SORL1: variants seen among roughly 807,000 people sequenced by gnomAD.
The protein encoded by SORL1 is sortilin-related receptor.
SORL1 carries 127 observed loss-of-function variants against 273.7 expected under a neutral mutation model. The ratio of observed to expected loss-of-function variants is 0.46; its 90% confidence interval spans 0.40 to 0.54. SORL1 has a LOEUF of 0.54. Among genes scored for constraint, SORL1 ranks in the 20% least tolerant of loss-of-function variants. The probability of loss-of-function intolerance (pLI) is 0.00; values close to 1 mark genes in which losing one functional copy is unlikely to be tolerated. For missense variants in SORL1, 2,494 were observed against 2,846.1 expected, an observed-to-expected ratio of 0.88 and a Z score of 2.81; for synonymous variants, 1,031 against 1,067.4, an observed-to-expected ratio of 0.97 and a Z score of 0.66.
intron 12 of SORL1, among the ~76,000 whole-genome samples, chr11:121,542,969 A>C (rs1406486116): frequency 6.6e-6 from 1 of 151,234 alleles, no homozygotes; most frequent in East Asian, 1.9e-4. Flanking sequence ...CGAGGTCAGG[A>C]GGTCGAGATC....
At chr11:121,575,183 T>C (rs942315730) in intron 24 of SORL1, among the ~76,000 whole-genome samples, 1 of 152,204 alleles carries the variant, frequency 6.6e-6, no homozygotes, top group African/African-American at 2.4e-5. Flanking sequence ...GGTGACACAA[T>C]TAGTTTGTGT....
intron 32 of SORL1, among the ~76,000 whole-genome samples, chr11:121,597,569 C>T (rs1478419461): frequency 2.0e-5 from 3 of 151,792 alleles, no homozygotes; most frequent in African/African-American, 7.3e-5. Flanking sequence ...TCAAGTGATT[C>T]TCTTGCCTCA....
chr11:121,528,137 G>A (rs1424372622), intron 11 of SORL1, among the ~76,000 whole-genome samples: 3 of 152,040 alleles, frequency 2.0e-5, no homozygotes, highest in Non-Finnish European at 4.4e-5. Flanking sequence ...TGTTTTTAGT[G>A]TTTTTAAGTT....
intron 2 of SORL1, among the ~76,000 whole-genome samples, chr11:121,473,125 AATG>A (rs1468285417): frequency 1.3e-5 from 2 of 152,218 alleles, no homozygotes; most frequent in Non-Finnish European, 2.9e-5. Flanking sequence ...TGTGAAAAGA[AATG>A]ATGACTCAGA....
In SORL1 at chr11:121,566,937, C is replaced by T; in HGVS notation, c.3050-3C>T. 2 of 1,612,342 alleles carry T rather than the reference C, an allele frequency of 1.2e-6. No individual in the cohort carries two copies. The highest frequency in any genetic ancestry group is 4.5e-5 in the East Asian group (2 of 44,802). ...TACCTGCTGCTGTTTGTCTTCCCTC[C>T]AGGAAGCAATGCCTGTGTGCCCAGG... On this transcript the variant is annotated splice_region_variant and splice_polypyrimidine_tract_variant and intron_variant, in intron 21 of 47. Coordinates refer to ENST00000260197, the MANE Select transcript of SORL1 (RefSeq NM_003105.6).
chr11:121,629,514 C>A lies in SORL1; in HGVS notation c.6596C>A (p.Ala2199Asp). 6.3e-7 allele frequency: 1 copy of A among 1,584,804 alleles called. No homozygotes were observed. Among genetic ancestry groups the A allele is most frequent in the Non-Finnish European group, 8.7e-7 (1 of 1,153,234 alleles). ...TCTCTAGGGGAAGATGATGAAGATG[C>A]CCCTATGATAACTGGATTTTCAGAT... The part of the protein sequence containing the change: ...GDDLGEDDED[A>D]PMITGFSDDV... Residue 2199 changes from alanine (A) to aspartate (D), a missense_variant, in exon 48 of 48, where the codon GCC becomes GAC. Ala to Asp is a moderately radical substitution (Grantham distance 126). Coordinates refer to ENST00000260197, the MANE Select transcript of SORL1 (RefSeq NM_003105.6).
At chr11:121,587,815 C>T (rs1278352881) in intron 27 of SORL1, among the ~76,000 whole-genome samples, 1 of 152,192 alleles carries the variant, frequency 6.6e-6, no homozygotes, top group Non-Finnish European at 1.5e-5. Flanking sequence ...TAAAATCTCT[C>T]CTAATGTTGT....
At chr11:121,571,152 G>A (rs948681650) in intron 23 of SORL1, among the ~76,000 whole-genome samples, 11 of 152,346 alleles carry the variant, frequency 7.2e-5, no homozygotes, top group East Asian at 3.9e-4. Context: ...ACTGCGATGC[G>A]GAAGTGTCAT....
At position 121,557,421 on chromosome 11, in the gene SORL1, A is replaced by G. The variant is rs1862607083; in HGVS notation, c.2663+16A>G. On this transcript the variant is annotated intron_variant, in intron 19 of 47. Coordinates refer to ENST00000260197, the MANE Select transcript of SORL1 (RefSeq NM_003105.6). The stretch of plus-strand genomic sequence containing the variant: ...CCCAAGAGGGGTAAGTGTTGCCCCA[A>G]AAGGAAATCAGTCTTGCGTCCAATG... 1.3e-6 allele frequency: 2 copies of G among 1,580,554 alleles called. No individual in the cohort carries two copies. The highest frequency in any genetic ancestry group is 1.7e-5 in the Admixed American group (1 of 59,952).
intron 26 of SORL1, among the ~76,000 whole-genome samples, chr11:121,583,845 A>G (rs1863051892): frequency 6.6e-6 from 1 of 152,212 alleles, no homozygotes; most frequent in South Asian, 2.1e-4. Flanking sequence ...AAAATATATA[A>G]AATGTTTTTT....
intron 27 of SORL1, among the ~76,000 whole-genome samples, chr11:121,587,124 A>G (rs1403310776): frequency 6.6e-6 from 1 of 152,198 alleles, no homozygotes. Context: ...CAGAGTCTGT[A>G]TGACCTGAAA....
In SORL1 at chr11:121,554,149, G is replaced by C; in HGVS notation, c.2439+40G>C. 1 of 1,585,698 alleles carries C rather than the reference G, an allele frequency of 6.3e-7. No homozygotes were observed. Among genetic ancestry groups the C allele is most frequent in the East Asian group, 2.2e-5 (1 of 44,602 alleles). On this transcript the variant is annotated intron_variant, in intron 17 of 47. Transcript: ENST00000260197. This position sits in a 1 kb window ranked among gnomAD's most constrained non-coding sequence, Gnocchi z 4.6. Reference sequence around the variant, plus strand: ...GGTCTGACTGTGGGAGCTGTGCATCGTGACTGCCCTGTCCTGATAAGCTGC... The same window carrying C: ...GGTCTGACTGTGGGAGCTGTGCATCCTGACTGCCCTGTCCTGATAAGCTGC...
chr11:121,489,934 T>G, intron 4 of SORL1, 109 bp from the exon 5 acceptor site: 1 of 822,302 alleles, frequency 1.2e-6, no homozygotes, highest in South Asian at 1.4e-5. Flanking sequence ...AGTGCCTGCC[T>G]TCACAGACAG....
At chr11:121,501,745 C>A (rs910016095) in intron 6 of SORL1, among the ~76,000 whole-genome samples, 14 of 152,142 alleles carry the variant, frequency 9.2e-5, no homozygotes, top group Non-Finnish European at 1.5e-4. Context: ...GATTCAGTTA[C>A]CTCCCACCAG....
intron 21 of SORL1, among the ~76,000 whole-genome samples, chr11:121,560,618 A>G (rs17125462): frequency 0.013 from 1,953 of 152,214 alleles, 33 homozygotes; most frequent in African/African-American, 0.044. Context: ...ATATTGTTTT[A>G]TGGTTCTTGG....
chr11:121,542,526 A>G (rs537049036), intron 12 of SORL1, among the ~76,000 whole-genome samples: 6 of 152,110 alleles, frequency 3.9e-5, no homozygotes, highest in South Asian at 2.1e-4. Context: ...GATTTGTCCA[A>G]TTGTATAGAA....
Position 121,514,226 on chromosome 11 carries a change from A to G in SORL1, c.1116A>G (p.Leu372=). ...CVSHSNNRTN[L]YISEAEGLKF... is the part of the protein sequence containing the mutation. The stretch of plus-strand genomic sequence containing the variant: ...GCCACAGTAACAACCGCACCAATTT[A>G]TACATCTCAGAGGCAGAGGGGCTGA... The change falls in exon 8 of 48, where the codon TTA becomes TTG. Residue 372 remains leucine (L), a synonymous_variant. Coordinates refer to ENST00000260197, the MANE Select transcript of SORL1 (RefSeq NM_003105.6). 3 of 1,614,158 alleles carry G rather than the reference A, an allele frequency of 1.9e-6. No homozygotes were observed. The South Asian group carries it at 3.3e-5, about 18-fold the overall frequency.
At position 121,492,300 on chromosome 11, in the gene SORL1, G is replaced by C. The variant is rs935475790; in HGVS notation, c.758+2190G>C. ...CGCTTGAACCCGGTAGGTGGAGGTT[G>C]CAGTGAGCTGAGATTGCGTCACTGC... On this transcript the variant is annotated intron_variant, in intron 5 of 47. Coordinates refer to ENST00000260197, the MANE Select transcript of SORL1 (RefSeq NM_003105.6). 7.1e-4 allele frequency among the ~76,000 whole-genome samples: 108 copies of C among 152,296 alleles called. 2 individuals are homozygous for C. The highest frequency in any genetic ancestry group is 2.6e-3 in the African/African-American group (106 of 41,548).
chr11:121,545,152 G>A, intron 13 of SORL1, 91 bp from the exon 14 acceptor site: 1 of 1,185,920 alleles, frequency 8.4e-7, no homozygotes, highest in South Asian at 1.4e-5. Flanking sequence ...TAGACAGGAA[G>A]TGGGGGTTGA....
Sources: gnomAD v4.1 joint callset for allele counts (sites outside exome capture counted in the v4.1 genomes callset) on GRCh38, gnomAD v4.1.1 for gene constraint, Gnocchi (gnomAD v3.1) non-coding constraint, MANE v1.5 for transcripts, NCBI Gene and HGNC (gene_info 2026-07-23, HGNC 2026-07-21) for gene names.